LAD1: variants seen among roughly 807,000 people sequenced by gnomAD.
The protein encoded by LAD1 is ladinin 1, also known as ladinin-1.
LAD1 carries 53 observed loss-of-function variants against 54.2 expected under a neutral mutation model. The observed-to-expected ratio is 0.98, with a 90% CI of 0.78 to 1.23. The LOEUF is 1.23. Among genes scored for constraint, LAD1 ranks in the 50% most tolerant of loss-of-function variants. LAD1 has a pLI of 0.00. For missense variants in LAD1, 637 were observed against 653.3 expected, an observed-to-expected ratio of 0.98 and a Z score of 0.27; for synonymous variants, 231 against 257.7, an observed-to-expected ratio of 0.90 and a Z score of 0.99.
chr1:201,385,594 T>C, intron 4 of LAD1, 107 bp downstream of exon 4: 3 of 834,142 alleles, frequency 3.6e-6, no homozygotes, highest in Non-Finnish European at 6.3e-6. Context: ...CTCCTCTCTA[T>C]CCAGGGGACC....
rs770999018 is a variant in LAD1, at chr1:201,387,034, G to A, written c.327C>T (p.Ile109=). The change falls in exon 3 of 10, where the codon ATC becomes ATT. Residue 109 remains isoleucine, a synonymous_variant. Coordinates refer to ENST00000391967, the MANE Select transcript of LAD1 (RefSeq NM_005558.4). The part of the protein sequence containing the change: ...RQVVEAAQAP[I]QERLEAEEGR... ...CCTCCTCTGCCTCCAGCCTCTCCTG[G>A]ATGGGGGCCTGTGCAGCCTCCACCA... 5.0e-6 allele frequency: 8 copies of A among 1,612,204 alleles called. No homozygotes were observed. The South Asian group carries it at 6.6e-5, about 13-fold the overall frequency.
At chr1:201,397,167 G>C (rs180776511) in intron 1 of LAD1, 1 of 152,466 alleles carries the variant, frequency 6.6e-6, no homozygotes, top group Non-Finnish European at 1.5e-5. Context: ...ACCTGGGACC[G>C]TGCTGTCACA....
intron 3 of LAD1, 50 bp from the exon 4 acceptor site, chr1:201,385,855 CCGGGGCAG>C (rs1374254558): frequency 1.5e-6 from 2 of 1,377,422 alleles, no homozygotes; most frequent in Admixed American, 3.4e-5. Context: ...GCCCATCAAG[CCGGGGCAG>C]CCATAAACCC....
Position 201,381,077 on chromosome 1 carries a change from G to C in LAD1, c.*811C>G, listed in dbSNP as rs1661945183. 6.6e-6 allele frequency: 1 copy of C among 152,420 alleles called. No individual in the cohort carries two copies. Among genetic ancestry groups the C allele is most frequent in the South Asian group, 2.1e-4 (1 of 4,808 alleles). The allele number at this position is 152,420 out of a possible 1,614,324, so 9.4% of individuals were successfully genotyped here. A position where few individuals can be genotyped will look rare whatever the true frequency, so the allele number is the denominator to read the frequency against. ...CCAGTCACCAAGCTAGGACTGCTGA[G>C]TGGCAAGCCACCACCTTAATGTGAG... On this transcript the variant is annotated 3_prime_UTR_variant, in exon 10 of 10. Transcript: ENST00000391967.
chr1:201,383,192 G>A lies in LAD1; in HGVS notation c.1268C>T (p.Ser423Phe). Residue 423 changes from serine to phenylalanine, a missense_variant, in exon 7 of 10, where the codon TCT (serine) becomes TTT (phenylalanine). By Grantham distance (155) the Ser-to-Phe change is radical. Transcript: ENST00000391967. ...TAIRRSESVK[S>F]RGLPCTELFV... Reference sequence around the variant, plus strand: ...TAACTCAGTGCAAGGCAGACCCCGAGACTTGACAGATTCTGATCTCTGGGA... The same window carrying A: ...TAACTCAGTGCAAGGCAGACCCCGAAACTTGACAGATTCTGATCTCTGGGA... The A allele has an allele frequency of 3.1e-6, 5 of 1,613,994 alleles. No individual in the cohort carries two copies. Among genetic ancestry groups the A allele is most frequent in the Non-Finnish European group, 4.2e-6 (5 of 1,179,910 alleles).
intron 1 of LAD1, among the ~76,000 whole-genome samples, chr1:201,393,851 C>CTTTTTTT (rs35169716): frequency 6.2e-5 from 7 of 112,240 alleles, no homozygotes; most frequent in Non-Finnish European, 8.7e-5. Context: ...TTAAGTTTTG[C>CTTTTTTT]TTTTTTTTTT....
At chr1:201,385,492 T>G (rs185245143) in intron 4 of LAD1, among the ~76,000 whole-genome samples, 1 of 152,210 alleles carries the variant, frequency 6.6e-6, no homozygotes, top group East Asian at 1.9e-4. Flanking sequence ...GGGCTGCTCA[T>G]GCTTACTGGC....
Position 201,386,903 on chromosome 1 carries a change from G to C in LAD1, c.458C>G (p.Pro153Arg), listed in dbSNP as rs200727328. Residue 153 changes from proline to arginine, a missense_variant, in exon 3 of 10, where the codon CCC (proline) becomes CGC (arginine). Pro to Arg is a moderately radical substitution (Grantham distance 103). Transcript: ENST00000391967. ...CAAGCTCTCCTCCTCCAGGGCCCAG[G>C]GGCCCCGCTGTTCCCGACTCAGTCT... ...RRRLSREQRG[P>R]WALEEESLVG... 348 of 1,613,814 alleles carry C rather than the reference G, an allele frequency of 2.2e-4. 6 individuals carry two copies. The Middle Eastern group carries it at 5.4e-3, about 25-fold the overall frequency.
Position 201,383,097 on chromosome 1 carries a change from C to A in LAD1, c.1363G>T (p.Ala455Ser), listed in dbSNP as rs1329832487. 2.5e-6 allele frequency: 4 copies of A among 1,613,760 alleles called. No homozygotes were observed. In the African/African-American group the frequency reaches 4.0e-5, roughly 16 times the overall value. The change falls in exon 7 of 10, where the codon GCA becomes TCA. Residue 455 changes from alanine to serine, a missense_variant. Transcript: ENST00000391967. The part of the protein sequence containing the change: ...FEKELAGQSR[A>S]EPASSRKENL... ...ACCTTCCGGCTGGAGGCTGGTTCTG[C>A]TCGGCTCTGGCCCGCCAGTTCCTTC...
At chr1:201,384,418 A>C (rs1662030928) in intron 5 of LAD1, among the ~76,000 whole-genome samples, 3 of 152,038 alleles carry the variant, frequency 2.0e-5, no homozygotes, top group African/African-American at 4.8e-5. Flanking sequence ...CTGCAGACCC[A>C]CAGCCCCCCA....
chr1:201,387,899 C>A (rs1368195184), intron 2 of LAD1, among the ~76,000 whole-genome samples: 4 of 152,232 alleles, frequency 2.6e-5, no homozygotes, highest in African/African-American at 9.6e-5. Context: ...TCTCCATGTG[C>A]TTTCAGGCAA....
In LAD1 at chr1:201,386,507, G is replaced by A. The variant is rs764703874; in HGVS notation, c.854C>T (p.Thr285Ile). 3.1e-6 allele frequency: 5 copies of A among 1,590,500 alleles called. No homozygotes were observed. The South Asian group carries it at 5.8e-5, about 18-fold the overall frequency. Residue 285 changes from threonine to isoleucine, a missense_variant, in exon 3 of 10, where the codon ACA becomes ATA. Thr to Ile is a moderately conservative substitution (Grantham distance 89). Transcript: ENST00000391967. ...CTGCGCCAGGGGCTGCTCTGAGGCT[G>A]TGGCCCTCTTTGGGGCCGGCTTAGC... ...ADAKPAPKRATASEQPLAQEP... is the reference protein window; with the variant it reads ...ADAKPAPKRAIASEQPLAQEP...
chr1:201,397,671 C>CAGTA (rs1449929323), intron 1 of LAD1, among the ~76,000 whole-genome samples: 1 of 152,110 alleles, frequency 6.6e-6, no homozygotes, highest in South Asian at 2.1e-4. Flanking sequence ...ACCCAATGCA[C>CAGTA]AGTACTGAGG....
At chr1:201,398,220 G>A (rs934862418) in intron 1 of LAD1, among the ~76,000 whole-genome samples, 6 of 152,174 alleles carry the variant, frequency 3.9e-5, no homozygotes, top group Admixed American at 1.3e-4. Flanking sequence ...TAGAGCACTG[G>A]AAAAACCTGT....
At chr1:201,385,535 CT>C (rs1464195612) in intron 4 of LAD1, among the ~76,000 whole-genome samples, 165 bp downstream of exon 4, 1 of 152,228 alleles carries the variant, frequency 6.6e-6, no homozygotes, top group East Asian at 1.9e-4. Context: ...CTGTTCTCCT[CT>C]GCTGAATACA....
At position 201,390,436 on chromosome 1, in the gene LAD1, C is replaced by T. The variant is rs192906768; in HGVS notation, c.39-1133G>A. The stretch of plus-strand genomic sequence containing the variant: ...CCTATAATCCCAGCTACTCGGGAGG[C>T]TGAGGCCAGAGAATTGCTCGAACCT... On this transcript the variant is annotated intron_variant, in intron 1 of 9. Transcript: ENST00000391967. 2.0e-5 allele frequency among the ~76,000 whole-genome samples: 3 copies of T among 151,812 alleles called. No homozygotes were observed. In the East Asian group the frequency reaches 5.8e-4, roughly 29 times the overall value.
chr1:201,397,791 A>G (rs1426412667), intron 1 of LAD1, among the ~76,000 whole-genome samples: 1 of 127,046 alleles, frequency 7.9e-6, no homozygotes, highest in Non-Finnish European at 1.6e-5. Context: ...GGCCATAAAC[A>G]CACTTGTCCA....
In LAD1 at chr1:201,386,656, T is replaced by C. The variant is rs1662095620; in HGVS notation, c.705A>G (p.Lys235=). The C allele has an allele frequency of 6.2e-7, 1 of 1,614,020 alleles. No homozygotes were observed. The highest frequency in any genetic ancestry group is 1.1e-5 in the South Asian group (1 of 91,078). The part of the protein sequence containing the change: ...NSSEKKSVLE[K]TSVSEKSLAP... ...CCAGCGACTTCTCAGAGACACTGGTTTTTTCTAGAACAGACTTCTTCTCTG... is the reference window on the plus strand; with the variant it reads ...CCAGCGACTTCTCAGAGACACTGGTCTTTTCTAGAACAGACTTCTTCTCTG... The change falls in exon 3 of 10, where the codon AAA becomes AAG. Residue 235 remains lysine (K), a synonymous_variant. Transcript: ENST00000391967.
intron 3 of LAD1, 98 bp from the exon 4 acceptor site, chr1:201,385,903 G>C: frequency 1.2e-6 from 1 of 867,868 alleles, no homozygotes; most frequent in Non-Finnish European, 2.0e-6. Flanking sequence ...TGCAGGAAGA[G>C]GGGAGAATGA....
Sources: allele counts gnomAD v4.1 joint callset (sites outside exome capture counted in the v4.1 genomes callset), GRCh38; gene constraint gnomAD v4.1.1; transcripts MANE v1.5; gene names NCBI Gene and HGNC (gene_info 2026-07-23, HGNC 2026-07-21).